Variants in RAPGEF4 observed in about 807,000 individuals in gnomAD.
RAPGEF4 encodes RAP guanine-nucleotide-exchange factor (GEF) 4.
RAPGEF4 carries 66 observed loss-of-function variants against 147.9 expected under a neutral mutation model. The ratio of observed to expected loss-of-function variants is 0.45; its 90% CI spans 0.37 to 0.55. RAPGEF4 has a LOEUF of 0.55. Among genes scored for constraint, RAPGEF4 ranks in the 20% least tolerant of loss-of-function variants. The pLI is 0.00. For missense variants in RAPGEF4, 1,071 were observed against 1,257.3 expected (o/e 0.85, Z 2.24); for synonymous variants, 419 against 442.7 (o/e 0.95, Z 0.67).
intron 1 of RAPGEF4, among the ~76,000 whole-genome samples, chr2:172,751,634 G>A (rs1010921670): frequency 6.6e-6 from 1 of 152,152 alleles, no homozygotes; most frequent in African/African-American, 2.4e-5. Flanking sequence ...AGGTCTTTCT[G>A]TAGAAGTGAT....
At chr2:172,881,338 C>T (rs919469453) in intron 4 of RAPGEF4, among the ~76,000 whole-genome samples, 1 of 152,150 alleles carries the variant, frequency 6.6e-6, no homozygotes, top group African/African-American at 2.4e-5. Context: ...TGATGAGGCT[C>T]TTACTGAGCT....
intron 4 of RAPGEF4, among the ~76,000 whole-genome samples, chr2:172,827,252 A>G (rs1179658901): frequency 6.6e-6 from 1 of 152,160 alleles, no homozygotes; most frequent in Non-Finnish European, 1.5e-5. Context: ...CCATTTTTAG[A>G]GACATTAATA....
chr2:173,022,739 G>GCCTTAAAT (rs1696231996), intron 23 of RAPGEF4, among the ~76,000 whole-genome samples: 2 of 152,206 alleles, frequency 1.3e-5, no homozygotes, highest in Admixed American at 1.3e-4. Flanking sequence ...ACAAGTCTTA[G>GCCTTAAAT]TGTTCAATGT....
intron 4 of RAPGEF4, among the ~76,000 whole-genome samples, chr2:172,849,314 A>G (rs909571491): frequency 3.9e-5 from 6 of 152,244 alleles, no homozygotes; most frequent in African/African-American, 1.2e-4. Context: ...CCTATTTCCT[A>G]TAAACAAAAT....
chr2:172,876,484 T>A (rs1473072596), intron 4 of RAPGEF4, among the ~76,000 whole-genome samples: 1 of 152,214 alleles, frequency 6.6e-6, no homozygotes, highest in Non-Finnish European at 1.5e-5. Context: ...CTCAAAGGCC[T>A]TTTCTGCATC....
intron 1 of RAPGEF4, among the ~76,000 whole-genome samples, chr2:172,749,633 G>A (rs1003386750): frequency 6.6e-6 from 1 of 152,212 alleles, no homozygotes; most frequent in African/African-American, 2.4e-5. Flanking sequence ...ACGTGCCCTG[G>A]AGACGTTTTT....
intron 10 of RAPGEF4, among the ~76,000 whole-genome samples, chr2:172,971,506 T>G (rs2105547005): frequency 6.6e-6 from 1 of 152,360 alleles, no homozygotes; most frequent in African/African-American, 2.4e-5. Context: ...ATCTTCCAAC[T>G]GGGTCAGAAA....
intron 6 of RAPGEF4, among the ~76,000 whole-genome samples, chr2:172,939,967 T>C (rs1268160678): frequency 6.6e-6 from 1 of 152,192 alleles, no homozygotes; most frequent in Non-Finnish European, 1.5e-5. Context: ...GACTTCACAT[T>C]CTGTTCCATT....
chr2:172,756,174 A>G (rs1286834007), intron 1 of RAPGEF4, among the ~76,000 whole-genome samples: 1 of 152,242 alleles, frequency 6.6e-6, no homozygotes, highest in Non-Finnish European at 1.5e-5. Context: ...TTTCGTAGAT[A>G]GTATTTACTA....
chr2:173,026,006 A>G (rs910943907), intron 23 of RAPGEF4, among the ~76,000 whole-genome samples: 3 of 152,210 alleles, frequency 2.0e-5, no homozygotes, highest in Non-Finnish European at 4.4e-5. Context: ...TCAGCTCAAC[A>G]TCTGCCCAAG....
At chr2:172,980,670 C>T (rs953240858) in intron 10 of RAPGEF4, among the ~76,000 whole-genome samples, 1 of 152,170 alleles carries the variant, frequency 6.6e-6, no homozygotes. Context: ...GGTCCTAAGA[C>T]TAGCTGTTAC....
chr2:172,782,474 T>A (rs1386071416), intron 1 of RAPGEF4, among the ~76,000 whole-genome samples: 1 of 152,238 alleles, frequency 6.6e-6, no homozygotes, highest in African/African-American at 2.4e-5. Flanking sequence ...CAGAAGGACC[T>A]GACTCAAGAG....
At chr2:172,816,496 G>A (rs1455354115) in intron 4 of RAPGEF4, among the ~76,000 whole-genome samples, 1 of 152,202 alleles carries the variant, frequency 6.6e-6, no homozygotes, top group Non-Finnish European at 1.5e-5. Flanking sequence ...AATGTGAAAA[G>A]TGATGCTGAG....
chr2:172,855,524 A>G (rs1693316672), intron 4 of RAPGEF4, among the ~76,000 whole-genome samples: 1 of 151,466 alleles, frequency 6.6e-6, no homozygotes, highest in South Asian at 2.1e-4. Flanking sequence ...ATTTCCAGTG[A>G]TCTTCTTTCC....
chr2:173,026,791 T>C, intron 24 of RAPGEF4, 94 bp downstream of exon 24: 2 of 1,486,682 alleles, frequency 1.3e-6, no homozygotes, highest in African/African-American at 1.4e-5. Flanking sequence ...TGTGCTACAA[T>C]ATGGAAACCA....
intron 21 of RAPGEF4, among the ~76,000 whole-genome samples, chr2:173,018,391 C>T (rs1387957510): frequency 1.3e-5 from 2 of 152,162 alleles, no homozygotes; most frequent in Non-Finnish European, 2.9e-5. Flanking sequence ...TCAATTTTTT[C>T]CCATGACCTC....
chr2:172,982,244 T>A (rs889493940), intron 10 of RAPGEF4, among the ~76,000 whole-genome samples: 6 of 152,204 alleles, frequency 3.9e-5, no homozygotes, highest in Admixed American at 2.6e-4. Context: ...CAGTAGCTCA[T>A]CAAGGGTTTA....
chr2:172,748,107 G>C (rs1694939716), intron 1 of RAPGEF4, among the ~76,000 whole-genome samples: 1 of 151,840 alleles, frequency 6.6e-6, no homozygotes, highest in South Asian at 2.1e-4. Context: ...TTCTTTCTTG[G>C]TTATTGTGAA....
At chr2:172,988,998 G>T (rs527538462) in intron 14 of RAPGEF4, among the ~76,000 whole-genome samples, 159 bp downstream of exon 14, 3 of 152,218 alleles carry the variant, frequency 2.0e-5, no homozygotes, top group Non-Finnish European at 4.4e-5. Flanking sequence ...TAATGTGTTG[G>T]TATGCATTCT....
Sources: allele counts gnomAD v4.1 joint callset (sites outside exome capture counted in the v4.1 genomes callset), GRCh38; gene constraint gnomAD v4.1.1; transcripts MANE v1.5; gene names NCBI Gene and HGNC (gene_info 2026-07-23, HGNC 2026-07-21).